Variants in CLTCL1 observed in about 807,000 individuals in gnomAD.
CLTCL1 encodes the protein clathrin heavy chain like 1, also known as clathrin heavy chain 2.
CLTCL1 carries 159 observed loss-of-function variants against 190.0 expected under a neutral mutation model. The ratio of observed to expected loss-of-function variants is 0.84; its 90% CI spans 0.74 to 0.95. The LOEUF (loss-of-function observed/expected upper bound fraction) is 0.95, where lower values mean the gene tolerates loss of function less well. Ranked by LOEUF, CLTCL1 falls within the 40% of genes least tolerant of loss-of-function variation. The pLI is 0.00. For synonymous variants in CLTCL1, 752 were observed against 769.6 expected (o/e 0.98, Z 0.38); for missense variants, 1,878 against 2,033.4 (o/e 0.92, Z 1.47).
intron 3 of CLTCL1, 80 bp downstream of exon 3, chr22:19,253,879 C>T (rs953625371): frequency 1.3e-6 from 2 of 1,521,830 alleles, no homozygotes; most frequent in South Asian, 1.2e-5. Flanking sequence ...TAACCAACTT[C>T]TAATGATTTA....
At chr22:19,218,855 T>C (rs1555950906) in intron 18 of CLTCL1, among the ~76,000 whole-genome samples, 1 of 152,230 alleles carries the variant, frequency 6.6e-6, no homozygotes, top group Non-Finnish European at 1.5e-5. Context: ...CCCAGCACTC[T>C]GCCCAGTCTC....
intron 26 of CLTCL1, among the ~76,000 whole-genome samples, chr22:19,193,839 C>T (rs1201494265): frequency 3.6e-4 from 55 of 152,222 alleles, no homozygotes; most frequent in Admixed American, 2.9e-3. Flanking sequence ...ACAAATGAAG[C>T]TCCAGACCTT....
chr22:19,214,172 T>C (rs575114607), intron 19 of CLTCL1, among the ~76,000 whole-genome samples: 22 of 152,326 alleles, frequency 1.4e-4, no homozygotes, highest in African/African-American at 5.3e-4. Context: ...GCTGTGTGCA[T>C]CTTTTTTCAC....
At chr22:19,189,467 A>G (rs1555930308) in intron 27 of CLTCL1, among the ~76,000 whole-genome samples, 1 of 152,232 alleles carries the variant, frequency 6.6e-6, no homozygotes, top group African/African-American at 2.4e-5. Context: ...CATTTCAACA[A>G]TGTTCACAGC....
Position 19,232,618 on chromosome 22 carries a change from A to T in CLTCL1, c.1522-20T>A. 5.6e-6 allele frequency: 9 copies of T among 1,597,444 alleles called. No individual in the cohort carries two copies. The highest frequency in any genetic ancestry group is 7.7e-6 in the Non-Finnish European group (9 of 1,172,520). Reference sequence around the variant, plus strand: ...CCCAACCTAGAAGCAAGGGAGCACCAATCAGGAAAATCAATGAAAAACCCT... The same window carrying T: ...CCCAACCTAGAAGCAAGGGAGCACCTATCAGGAAAATCAATGAAAAACCCT... On this transcript the variant is annotated intron_variant, in intron 9 of 32. Coordinates refer to ENST00000427926, the MANE Select transcript of CLTCL1 (RefSeq NM_007098.4).
chr22:19,260,300 AG>A (rs782485674), intron 2 of CLTCL1, among the ~76,000 whole-genome samples: 14 of 152,206 alleles, frequency 9.2e-5, no homozygotes, highest in Non-Finnish European at 1.9e-4. Context: ...TTTTCAATGG[AG>A]AAGAAACAAC....
intron 1 of CLTCL1, among the ~76,000 whole-genome samples, chr22:19,281,016 C>T (rs530950589): frequency 5.4e-4 from 82 of 150,610 alleles, no homozygotes; most frequent in South Asian, 4.4e-3. Flanking sequence ...GTGGGCCGGG[C>T]GCGGCGGCTC....
At chr22:19,272,684 T>C (rs2087361453) in intron 2 of CLTCL1, among the ~76,000 whole-genome samples, 1 of 152,092 alleles carries the variant, frequency 6.6e-6, no homozygotes, top group Non-Finnish European at 1.5e-5. Flanking sequence ...TTCGTCAGGC[T>C]GGTCTCGAAC....
chr22:19,241,167 G>T (rs1555965236), intron 4 of CLTCL1, among the ~76,000 whole-genome samples: 1 of 152,252 alleles, frequency 6.6e-6, no homozygotes. Flanking sequence ...CTCGGCTGGA[G>T]GGGCATGCCC....
intron 3 of CLTCL1, among the ~76,000 whole-genome samples, chr22:19,248,949 T>A (rs1292512976): frequency 2.0e-5 from 3 of 152,222 alleles, no homozygotes; most frequent in Non-Finnish European, 4.4e-5. Context: ...TTAATGCTTC[T>A]GCATATAAAT....
intron 4 of CLTCL1, among the ~76,000 whole-genome samples, chr22:19,240,446 A>G (rs576191319): frequency 6.6e-6 from 1 of 152,018 alleles, no homozygotes; most frequent in East Asian, 1.9e-4. Flanking sequence ...GAGAGGAGGG[A>G]AACACCAAAG....
chr22:19,290,716 G>C (rs1338844728), intron 1 of CLTCL1, among the ~76,000 whole-genome samples: 2 of 152,236 alleles, frequency 1.3e-5, no homozygotes, highest in African/African-American at 4.8e-5. Flanking sequence ...TTTCAAGCAA[G>C]CACGTTCCTC....
intron 10 of CLTCL1, among the ~76,000 whole-genome samples, chr22:19,231,850 G>C (rs1357744585): frequency 6.6e-6 from 1 of 152,084 alleles, no homozygotes; most frequent in African/African-American, 2.4e-5. Flanking sequence ...TCTTATTCAT[G>C]TTCTCCAAAA....
chr22:19,180,663 G>C (rs2084103215), intron 31 of CLTCL1, 68 bp downstream of exon 31: 1 of 1,507,920 alleles, frequency 6.6e-7, no homozygotes, highest in Admixed American at 1.7e-5. Flanking sequence ...AGCCAGGTAA[G>C]GGCAGTGGGA....
intron 2 of CLTCL1, among the ~76,000 whole-genome samples, chr22:19,268,051 G>A (rs1021517079): frequency 1.3e-5 from 2 of 152,292 alleles, no homozygotes; most frequent in East Asian, 3.9e-4. Context: ...TGGTTTGAAT[G>A]TTTTTTGTTC....
chr22:19,190,498 C>A (rs1240391553), intron 27 of CLTCL1, among the ~76,000 whole-genome samples: 1 of 150,434 alleles, frequency 6.6e-6, no homozygotes, highest in Non-Finnish European at 1.5e-5. Context: ...CTGGAGGAGG[C>A]CAAGGCGGGA....
Position 19,187,711 on chromosome 22 carries a change from G to C in CLTCL1, c.4452C>G (p.Ile1484Met), listed in dbSNP as rs782618837. Residue 1484 changes from isoleucine (I) to methionine (M), a missense_variant, in exon 29 of 33, where the codon ATC becomes ATG. Physicochemically the swap from Ile to Met is conservative, Grantham distance 10. Transcript: ENST00000427926. ...TGTTGTCAAAGTTGTCATAGGCATC[G>C]ATAGATGCCCTTAAGCCCTAGGAAG... The part of the protein sequence containing the change: ...EEDYQGLRAS[I>M]DAYDNFDNIS... The C allele has an allele frequency of 1.1e-5, 17 of 1,613,568 alleles. No homozygotes were observed. The Middle Eastern group carries it at 8.2e-4, about 78-fold the overall frequency.
intron 23 of CLTCL1, among the ~76,000 whole-genome samples, 156 bp from the exon 24 acceptor site, chr22:19,199,997 C>A (rs1005267742): frequency 6.6e-6 from 1 of 152,082 alleles, no homozygotes; most frequent in South Asian, 2.1e-4. Context: ...ATGAATTGTA[C>A]AAGACTGGGA....
intron 27 of CLTCL1, 98 bp from the exon 28 acceptor site, chr22:19,188,189 T>C (rs2084377099): frequency 1.9e-6 from 2 of 1,080,446 alleles, no homozygotes; most frequent in East Asian, 2.4e-5. Flanking sequence ...TCCACTTGAA[T>C]GGTCCAGCTC....
Sources: gnomAD v4.1 joint callset for allele counts (sites outside exome capture counted in the v4.1 genomes callset) on GRCh38, gnomAD v4.1.1 for gene constraint, MANE v1.5 for transcripts, NCBI Gene and HGNC (gene_info 2026-07-23, HGNC 2026-07-21) for gene names.